ATF6: variants seen among roughly 807,000 people sequenced by gnomAD.
ATF6 encodes cyclic AMP-dependent transcription factor ATF-6 alpha.
A neutral mutation model predicts 83.6 loss-of-function variants in ATF6; 53 were observed. That is an observed-to-expected ratio of 0.63 (90% confidence interval 0.51 to 0.80). The LOEUF is 0.80. ATF6 is among the 30% of genes least tolerant of loss of function. ATF6 has a pLI of 0.00. For missense variants in ATF6, 744 were observed against 797.9 expected, an observed-to-expected ratio of 0.93 and a Z score of 0.81; for synonymous variants, 288 against 285.8, an observed-to-expected ratio of 1.01 and a Z score of -0.08.
At chr1:161,767,941 C>T (rs922344136) in intron 1 of ATF6, among the ~76,000 whole-genome samples, 4 of 152,156 alleles carry the variant, frequency 2.6e-5, no homozygotes, top group East Asian at 3.9e-4. Context: ...CCGCAACCTC[C>T]GCCACTCGGG....
chr1:161,778,230 T>C lies in ATF6; in HGVS notation c.83-14T>C. 6.2e-7 allele frequency: 1 copy of C among 1,608,986 alleles called. No individual in the cohort carries two copies. On this transcript the variant is annotated splice_polypyrimidine_tract_variant and intron_variant, in intron 1 of 15. Transcript: ENST00000367942. ...AATTGACAGTTCATTTCTATTCTTT[T>C]CCTTTGTCCAAAGATTCTGCTCTCT... is the stretch of plus-strand genomic sequence containing the variant.
At chr1:161,846,372 GT>G in intron 9 of ATF6, 76 bp from the exon 10 acceptor site, 1 of 1,461,866 alleles carries the variant, frequency 6.8e-7, no homozygotes, top group Non-Finnish European at 9.2e-7. Context: ...ATTGTGGTTT[GT>G]TTCACAGCTG....
intron 15 of ATF6, among the ~76,000 whole-genome samples, chr1:161,935,578 A>C (rs1688520532): frequency 6.6e-6 from 1 of 152,244 alleles, no homozygotes; most frequent in East Asian, 1.9e-4. Flanking sequence ...CTGAACAGAC[A>C]GAGACAAGTG....
At chr1:161,908,353 G>A (rs963404844) in intron 14 of ATF6, among the ~76,000 whole-genome samples, 3 of 152,124 alleles carry the variant, frequency 2.0e-5, no homozygotes, top group Non-Finnish European at 2.9e-5. Context: ...GACAAGAAAC[G>A]TAACTTTGAA....
intron 9 of ATF6, among the ~76,000 whole-genome samples, chr1:161,837,669 G>A (rs1475044596): frequency 2.0e-5 from 3 of 150,648 alleles, no homozygotes; most frequent in Non-Finnish European, 4.4e-5. Flanking sequence ...ATGGAAATAA[G>A]GCAGTTGGAA....
intron 15 of ATF6, among the ~76,000 whole-genome samples, chr1:161,956,333 TG>T (rs1688965236): frequency 6.6e-6 from 1 of 152,112 alleles, no homozygotes; most frequent in Non-Finnish European, 1.5e-5. Flanking sequence ...TTTTCTAAAA[TG>T]GGGAGAGAGG....
intron 2 of ATF6, among the ~76,000 whole-genome samples, chr1:161,781,225 C>G (rs975292085): frequency 6.6e-6 from 1 of 152,042 alleles, no homozygotes; most frequent in Non-Finnish European, 1.5e-5. Flanking sequence ...GAAAAACCAC[C>G]TAAATGAAAA....
chr1:161,884,938 G>T (rs551450298), intron 14 of ATF6, among the ~76,000 whole-genome samples: 9 of 152,148 alleles, frequency 5.9e-5, no homozygotes, highest in African/African-American at 1.9e-4. Context: ...TAAATATTTT[G>T]TACACTACTC....
chr1:161,940,652 G>A (rs769019418), intron 15 of ATF6, among the ~76,000 whole-genome samples: 2 of 147,096 alleles, frequency 1.4e-5, no homozygotes, highest in Non-Finnish European at 3.0e-5. Context: ...TCCGCCTCCC[G>A]GGTTCAAGCG....
intron 1 of ATF6, among the ~76,000 whole-genome samples, chr1:161,766,681 C>A (rs956823333): frequency 6.6e-6 from 1 of 152,148 alleles, no homozygotes; most frequent in Non-Finnish European, 1.5e-5. Context: ...TTCACTATTC[C>A]CACTGGGGAA....
intron 2 of ATF6, among the ~76,000 whole-genome samples, chr1:161,781,518 T>A (rs1281722046): frequency 6.6e-6 from 1 of 152,256 alleles, no homozygotes; most frequent in Non-Finnish European, 1.5e-5. Flanking sequence ...CTATTGTATA[T>A]AGAGATTATA....
chr1:161,827,573 G>A (rs190233162), intron 9 of ATF6, among the ~76,000 whole-genome samples: 2 of 151,962 alleles, frequency 1.3e-5, no homozygotes, highest in East Asian at 1.9e-4. Flanking sequence ...TCACATTACC[G>A]AGTAAAGTGA....
chr1:161,824,213 A>C (rs528483636), intron 9 of ATF6, among the ~76,000 whole-genome samples: 1 of 151,438 alleles, frequency 6.6e-6, no homozygotes, highest in Non-Finnish European at 1.5e-5. Context: ...TTCCTCAAAC[A>C]CTCTAAGCCT....
chr1:161,821,012 T>C (rs1427599814), intron 8 of ATF6, 58 bp from the exon 9 acceptor site: 2 of 1,263,020 alleles, frequency 1.6e-6, no homozygotes, highest in South Asian at 1.3e-5. Context: ...ATCTTAAGCG[T>C]TGCTTTTTCT....
chr1:161,809,527 A>G (rs1358490527), intron 7 of ATF6, among the ~76,000 whole-genome samples: 1 of 152,210 alleles, frequency 6.6e-6, no homozygotes, highest in Middle Eastern at 3.2e-3. Context: ...TCTTTATAGC[A>G]GCATGATTTA....
chr1:161,804,298 A>G (rs1375490565), intron 7 of ATF6, among the ~76,000 whole-genome samples: 1 of 152,152 alleles, frequency 6.6e-6, no homozygotes, highest in Non-Finnish European at 1.5e-5. Context: ...GATAAAGACT[A>G]ATTAGAACTT....
intron 9 of ATF6, among the ~76,000 whole-genome samples, chr1:161,840,691 T>A (rs1470281091): frequency 6.6e-6 from 1 of 152,308 alleles, no homozygotes; most frequent in South Asian, 2.1e-4. Context: ...ACAATTCTTA[T>A]AATACTTTTT....
At chr1:161,847,079 T>A (rs1686502854) in intron 10 of ATF6, among the ~76,000 whole-genome samples, 1 of 152,152 alleles carries the variant, frequency 6.6e-6, no homozygotes, top group Non-Finnish European at 1.5e-5. Context: ...CCATATTGCT[T>A]GTCAATAGCA....
intron 9 of ATF6, among the ~76,000 whole-genome samples, chr1:161,842,093 A>G (rs1686371696): frequency 6.6e-6 from 1 of 152,202 alleles, no homozygotes; most frequent in Non-Finnish European, 1.5e-5. Flanking sequence ...TAAGTCATAC[A>G]AATAGCCACT....
Sources: gnomAD v4.1 joint callset for allele counts (sites outside exome capture counted in the v4.1 genomes callset) on GRCh38, gnomAD v4.1.1 for gene constraint, MANE v1.5 for transcripts, NCBI Gene and HGNC (gene_info 2026-07-23, HGNC 2026-07-21) for gene names.